CEP97: variants seen among roughly 807,000 people sequenced by gnomAD.
The protein encoded by CEP97 is centrosomal protein 97.
In CEP97, 43 loss-of-function variants were observed where a neutral mutation model predicts 73.1. The observed-to-expected ratio is 0.59, with a 90% confidence interval of 0.46 to 0.76. CEP97 has a LOEUF of 0.76. CEP97 is among the 30% of genes least tolerant of loss of function. CEP97 has a pLI of 0.00. For missense variants in CEP97, 939 were observed against 1,014.0 expected (o/e 0.93, Z 1.00); for synonymous variants, 337 against 370.0 (o/e 0.91, Z 1.02).
Position 101,726,647 on chromosome 3 carries a change from C to T in CEP97, c.97C>T (p.Pro33Ser). 6.2e-7 allele frequency: 1 copy of T among 1,608,440 alleles called. No homozygotes were observed. Among genetic ancestry groups the T allele is most frequent in the East Asian group, 2.2e-5 (1 of 44,770 alleles). Residue 33 changes from proline to serine, a missense_variant, in exon 2 of 11, where the codon CCC (proline) becomes TCC (serine). By Grantham distance (74) the Pro-to-Ser change is moderately conservative (BLOSUM62 -1). Transcript: ENST00000341893. ...ACTACAGAAATTAGGTCCAAATTTACCCTGTGAAGCTGATATTCACACTTT... is the reference window on the plus strand; with the variant it reads ...ACTACAGAAATTAGGTCCAAATTTATCCTGTGAAGCTGATATTCACACTTT... ...QGLQKLGPNL[P>S]CEADIHTLIL...
intron 1 of CEP97, among the ~76,000 whole-genome samples, chr3:101,725,179 G>A (rs55987447): frequency 0.3 from 46,064 of 152,100 alleles, 7,504 homozygotes; most frequent in Middle Eastern, 0.44. Context: ...ACCCTTCCTC[G>A]GAGGTGGCCA....
intron 4 of CEP97, among the ~76,000 whole-genome samples, 154 bp from the exon 5 acceptor site, chr3:101,731,686 C>A (rs557415699): frequency 6.6e-6 from 1 of 152,074 alleles, no homozygotes; most frequent in Admixed American, 6.6e-5. Flanking sequence ...TCATCAAGGA[C>A]CCTTGTAGCA....
In CEP97 at chr3:101,765,208, G is replaced by T; in HGVS notation, c.2255G>T (p.Ser752Ile). 1 of 1,614,214 alleles carries T rather than the reference G, an allele frequency of 6.2e-7. No homozygotes were observed. Among genetic ancestry groups the T allele is most frequent in the Non-Finnish European group, 8.5e-7 (1 of 1,180,032 alleles). ...AAAGAATCAGATTTAGGGGATGTTA[G>T]TGAAGAACATGGTGAATGGAATAAG... ...YGKESDLGDV[S>I]EEHGEWNKES... Residue 752 changes from serine (S) to isoleucine (I), a missense_variant, in exon 11 of 11, where the codon AGT becomes ATT. By Grantham distance (142) the Ser-to-Ile change is moderately radical. Coordinates refer to ENST00000341893, the MANE Select transcript of CEP97 (RefSeq NM_024548.4).
At chr3:101,746,871 C>A (rs1938634395) in intron 6 of CEP97, among the ~76,000 whole-genome samples, 1 of 147,900 alleles carries the variant, frequency 6.8e-6, no homozygotes, top group Non-Finnish European at 1.5e-5. Flanking sequence ...GGGCAAAGGA[C>A]ATGAACAGAC....
rs751000052 is a variant in CEP97 at position 101,757,942 on chromosome 3, C to T, written c.1336C>T (p.Gln446Ter). 1 of 1,614,186 alleles carries T rather than the reference C, an allele frequency of 6.2e-7. No homozygotes were observed. Among genetic ancestry groups the T allele is most frequent in the Non-Finnish European group, 8.5e-7 (1 of 1,180,042 alleles). Residue 446 changes from glutamine (Q) to a stop codon, truncating the protein, a stop_gained, in exon 9 of 11, where the codon CAG (glutamine) becomes TAG (stop). Coordinates refer to ENST00000341893, the MANE Select transcript of CEP97 (RefSeq NM_024548.4). LOFTEE classifies it high-confidence loss of function. ...TGAATCTGTGAAAGGGCTGGAAAGC[C>T]AGGTGTTGGATAAGGAAGAGGAACA... ...ADESVKGLES[Q>*]VLDKEEEQPL...
chr3:101,741,934 CAG>C (rs779177669), intron 6 of CEP97, among the ~76,000 whole-genome samples: 3 of 151,676 alleles, frequency 2.0e-5, no homozygotes, highest in East Asian at 1.9e-4. Flanking sequence ...CCCAGCTACT[CAG>C]GGGGCTGAGG....
intron 6 of CEP97, among the ~76,000 whole-genome samples, chr3:101,741,980 T>G (rs1197336670): frequency 6.7e-6 from 1 of 150,256 alleles, no homozygotes; most frequent in Non-Finnish European, 1.5e-5. Context: ...AGGTGGAGGT[T>G]GCAGTGAGCT....
chr3:101,736,912 T>C (rs1938298217), intron 6 of CEP97, among the ~76,000 whole-genome samples: 1 of 152,188 alleles, frequency 6.6e-6, no homozygotes, highest in South Asian at 2.1e-4. Flanking sequence ...AGGAGCATAT[T>C]CTAACCCAAT....
chr3:101,760,186 T>C (rs1039282918), intron 9 of CEP97, among the ~76,000 whole-genome samples: 1 of 152,048 alleles, frequency 6.6e-6, no homozygotes, highest in Non-Finnish European at 1.5e-5. Context: ...AAGTCCTGTC[T>C]GATGCTGCTT....
Position 101,766,723 on chromosome 3 carries a change from A to G in CEP97, c.*1172A>G, listed in dbSNP as rs1263193775. On this transcript the variant is annotated 3_prime_UTR_variant, in exon 11 of 11. Coordinates refer to ENST00000341893, the MANE Select transcript of CEP97 (RefSeq NM_024548.4). ...TTGTAGGTAGATGCATTTGTAATTA[A>G]GGATAATATCGTTTAACAACATGTA... 6.6e-6 allele frequency: 1 copy of G among 152,386 alleles called. No individual in the cohort carries two copies. Among genetic ancestry groups the G allele is most frequent in the Admixed American group, 6.6e-5 (1 of 15,258 alleles). 9.4% of individuals were successfully genotyped at this position (152,386 alleles called of 1,614,324 possible). A position where few individuals can be genotyped will look rare whatever the true frequency, so the allele number is the denominator to read the frequency against.
intron 6 of CEP97, among the ~76,000 whole-genome samples, chr3:101,744,115 T>G (rs1938539507): frequency 6.6e-6 from 1 of 151,948 alleles, no homozygotes; most frequent in South Asian, 2.1e-4. Flanking sequence ...ACTAGAAGTA[T>G]CTACTGAAGC....
At chr3:101,754,882 C>G (rs1186407943) in intron 6 of CEP97, among the ~76,000 whole-genome samples, 1 of 150,304 alleles carries the variant, frequency 6.7e-6, no homozygotes, top group Non-Finnish European at 1.5e-5. Flanking sequence ...GATGTTTGTT[C>G]AGATTCAGGT....
chr3:101,741,734 G>T (rs1938461612), intron 6 of CEP97, among the ~76,000 whole-genome samples: 1 of 152,070 alleles, frequency 6.6e-6, no homozygotes, highest in South Asian at 2.1e-4. Context: ...CAGTTAGAAT[G>T]GTGATCATTA....
At chr3:101,729,950 G>A (rs920065119) in intron 4 of CEP97, among the ~76,000 whole-genome samples, 5 of 151,970 alleles carry the variant, frequency 3.3e-5, no homozygotes, top group Admixed American at 3.3e-4. Context: ...GATTATAGGC[G>A]CCCACCACCA....
intron 6 of CEP97, among the ~76,000 whole-genome samples, chr3:101,735,025 T>C (rs1938229101): frequency 6.6e-6 from 1 of 152,188 alleles, no homozygotes; most frequent in African/African-American, 2.4e-5. Context: ...GGTACTACCT[T>C]GCTTTCATGG....
At chr3:101,735,571 GCCT>G (rs1161700174) in intron 6 of CEP97, among the ~76,000 whole-genome samples, 1 of 152,202 alleles carries the variant, frequency 6.6e-6, no homozygotes, top group African/African-American at 2.4e-5. Flanking sequence ...GTGTGGCGTT[GCCT>G]CACCCGGGAA....
In CEP97 at chr3:101,758,403, C is replaced by T; in HGVS notation, c.1797C>T (p.Cys599=). 1 of 1,614,088 alleles carries T rather than the reference C, an allele frequency of 6.2e-7. No individual in the cohort carries two copies. The change falls in exon 9 of 11, where the codon TGC becomes TGT. Residue 599 remains cysteine, a synonymous_variant. Coordinates refer to ENST00000341893, the MANE Select transcript of CEP97 (RefSeq NM_024548.4). ...RLRRMQEHIV[C]LTDEIRRLRK... The stretch of plus-strand genomic sequence containing the variant: ...GCAGAATGCAAGAGCACATTGTCTG[C>T]TTAACTGATGAAATAAGGAGGTGGG...
rs1275935462 is a variant in CEP97, at chr3:101,732,645, A to G, written c.719A>G (p.Gln240Arg). 2 of 1,604,604 alleles carry G rather than the reference A, an allele frequency of 1.2e-6. No individual in the cohort carries two copies. The highest frequency in any genetic ancestry group is 1.7e-6 in the Non-Finnish European group (2 of 1,173,682). Residue 240 changes from glutamine (Q) to arginine (R), a missense_variant, in exon 6 of 11, where the codon CAG becomes CGG. By Grantham distance (43) the Gln-to-Arg change is conservative. Coordinates refer to ENST00000341893, the MANE Select transcript of CEP97 (RefSeq NM_024548.4). ...LRVLDGYVIS[Q>R]KESLKAEWLY... The stretch of plus-strand genomic sequence containing the variant: ...GTCCTAGATGGATATGTGATTTCTC[A>G]GAAGGAAAGGTAAACATGTGCTCTT...
In CEP97 at chr3:101,757,772, C is replaced by T. The variant is rs766672640; in HGVS notation, c.1166C>T (p.Thr389Met). 1.6e-5 allele frequency: 26 copies of T among 1,614,098 alleles called. No individual in the cohort carries two copies. Among genetic ancestry groups the T allele is most frequent in the East Asian group, 1.6e-4 (7 of 44,900 alleles). The change falls in exon 9 of 11, where the codon ACG (threonine) becomes ATG (methionine). Residue 389 changes from threonine (T) to methionine (M), a missense_variant. Thr to Met is a moderately conservative substitution (Grantham distance 81). Transcript: ENST00000341893. The part of the protein sequence containing the change: ...RNDLHLEDIQ[T>M]DEDKLNCSLL... ...GATCTGCACCTGGAAGACATACAGACGGATGAGGACAAGTTAAACTGTAGT... is the reference window on the plus strand; with the variant it reads ...GATCTGCACCTGGAAGACATACAGATGGATGAGGACAAGTTAAACTGTAGT...
Sources: allele counts gnomAD v4.1 joint callset (sites outside exome capture counted in the v4.1 genomes callset), GRCh38; gene constraint gnomAD v4.1.1; transcripts MANE v1.5; gene names NCBI Gene and HGNC (gene_info 2026-07-23, HGNC 2026-07-21).